ZFHX3: variants seen among roughly 807,000 people sequenced by gnomAD.
ZFHX3 encodes the protein zinc finger homeobox protein 3.
A neutral mutation model predicts 279.1 loss-of-function variants in ZFHX3; 42 were observed. That is an observed-to-expected ratio of 0.15 (90% CI 0.12 to 0.19). The LOEUF is 0.19. Among genes scored for constraint, ZFHX3 ranks in the 10% least tolerant of loss-of-function variants. The pLI, the probability that ZFHX3 is intolerant of heterozygous loss-of-function variation, is 1.00. For synonymous variants in ZFHX3, 2,293 were observed against 1,957.8 expected (o/e 1.17, Z -4.52); for missense variants, 4,981 against 4,754.0 (o/e 1.05, Z -1.40).
chr16:73,464,284 A>C (rs535798562), intron 2 of ZFHX3, among the ~76,000 whole-genome samples: 5 of 152,254 alleles, frequency 3.3e-5, no homozygotes, highest in Admixed American at 3.3e-4. Flanking sequence ...ACAAAATTAA[A>C]AAGCAAATAC....
chr16:73,612,690 C>G (rs940914855), intron 2 of ZFHX3, among the ~76,000 whole-genome samples: 1 of 152,088 alleles, frequency 6.6e-6, no homozygotes, highest in Admixed American at 6.5e-5. Context: ...GAGGACCATC[C>G]TATCAGTGAT....
At chr16:73,881,466 CTCT>C in intron 1 of ZFHX3, among the ~76,000 whole-genome samples, 1 of 83,918 alleles carries the variant, frequency 1.2e-5, no homozygotes, top group African/African-American at 3.7e-5. Flanking sequence ...CTCTCTCTCT[CTCT>C]CTCTCTCTCT....
At chr16:72,871,476 G>A (rs967439000) in intron 4 of ZFHX3, among the ~76,000 whole-genome samples, 1 of 152,008 alleles carries the variant, frequency 6.6e-6, no homozygotes, top group African/African-American at 2.4e-5. Context: ...CAAGTAGCTG[G>A]GATTACAAGC....
chr16:73,379,606 C>A (rs1241537768), intron 3 of ZFHX3, among the ~76,000 whole-genome samples: 2 of 152,132 alleles, frequency 1.3e-5, no homozygotes, highest in African/African-American at 2.4e-5. Flanking sequence ...AGAGCCAGAA[C>A]TCAATGCATG....
At chr16:73,406,479 A>G (rs936898314) in intron 3 of ZFHX3, among the ~76,000 whole-genome samples, 1 of 152,210 alleles carries the variant, frequency 6.6e-6, no homozygotes, top group Non-Finnish European at 1.5e-5. Context: ...TTTGATACTT[A>G]GTAAGTTTCA....
chr16:73,438,203 G>A (rs920731427), intron 3 of ZFHX3, among the ~76,000 whole-genome samples: 3 of 152,170 alleles, frequency 2.0e-5, no homozygotes, highest in Non-Finnish European at 4.4e-5. Flanking sequence ...GCAACTCGTA[G>A]CTCCAGAGAA....
At chr16:73,372,549 AG>A (rs1365965449) in intron 3 of ZFHX3, among the ~76,000 whole-genome samples, 1 of 152,254 alleles carries the variant, frequency 6.6e-6, no homozygotes, top group Non-Finnish European at 1.5e-5. Flanking sequence ...GTTAATTCAA[AG>A]GTTTTATTCC....
At chr16:73,537,552 G>A (rs138035332) in intron 2 of ZFHX3, among the ~76,000 whole-genome samples, 3,614 of 152,102 alleles carry the variant, frequency 0.024, 144 homozygotes, top group African/African-American at 0.08. Flanking sequence ...TTCTGACCTC[G>A]TGATTCACCC....
intron 3 of ZFHX3, among the ~76,000 whole-genome samples, chr16:73,439,361 C>G (rs2018047771): frequency 6.6e-6 from 1 of 152,206 alleles, no homozygotes; most frequent in Non-Finnish European, 1.5e-5. Context: ...GATTTTGCTA[C>G]CTTTGAGCTC....
At chr16:73,465,756 C>A (rs186177691) in intron 2 of ZFHX3, among the ~76,000 whole-genome samples, 8 of 152,210 alleles carry the variant, frequency 5.3e-5, no homozygotes, top group Non-Finnish European at 1.2e-4. Context: ...GAGTTCTTCT[C>A]TCCTTTCTTG....
intron 4 of ZFHX3, among the ~76,000 whole-genome samples, chr16:73,280,477 T>C (rs966707878): frequency 6.6e-6 from 1 of 151,980 alleles, no homozygotes; most frequent in African/African-American, 2.4e-5. Context: ...AAAGAAGACA[T>C]ACAAATAACC....
intron 1 of ZFHX3, among the ~76,000 whole-genome samples, chr16:73,860,849 A>G (rs192242840): frequency 4.9e-4 from 74 of 152,076 alleles, no homozygotes; most frequent in Non-Finnish European, 6.5e-4. Context: ...CACTCCCCCA[A>G]CCCCCACTCA....
At chr16:73,211,848 G>T (rs1306941283) in intron 5 of ZFHX3, among the ~76,000 whole-genome samples, 1 of 151,984 alleles carries the variant, frequency 6.6e-6, no homozygotes, top group African/African-American at 2.4e-5. Flanking sequence ...GCAGGGAGGG[G>T]GGTGGCAAGT....
At chr16:73,481,293 C>T (rs1017514871) in intron 2 of ZFHX3, among the ~76,000 whole-genome samples, 18 of 150,962 alleles carry the variant, frequency 1.2e-4, no homozygotes, top group Admixed American at 8.6e-4. Flanking sequence ...CGCATCACTG[C>T]ACTCCAGCCT....
chr16:73,319,121 C>T (rs2015519012), intron 3 of ZFHX3, among the ~76,000 whole-genome samples: 1 of 151,144 alleles, frequency 6.6e-6, no homozygotes, highest in African/African-American at 2.4e-5. Flanking sequence ...ATGGGGGGGG[C>T]AGAGGACGCA....
At chr16:73,679,289 AAATCAGAGCATTGAAAAGTATATTTC>A (rs1267986375) in intron 2 of ZFHX3, among the ~76,000 whole-genome samples, 6 of 152,156 alleles carry the variant, frequency 3.9e-5, no homozygotes, top group Non-Finnish European at 5.9e-5. Context: ...CGCCATTTTC[AAATCAGAGCATTGAAAAGTATATTTC>A]TATGGCCATA....
intron 3 of ZFHX3, among the ~76,000 whole-genome samples, chr16:73,442,848 G>C (rs2018117857): frequency 6.6e-6 from 1 of 152,156 alleles, no homozygotes; most frequent in African/African-American, 2.4e-5. Context: ...AAGAATTTGA[G>C]GCTGCAGTGA....
At chr16:73,016,457 G>A (rs531689933) in intron 1 of ZFHX3, among the ~76,000 whole-genome samples, 6 of 151,842 alleles carry the variant, frequency 4.0e-5, no homozygotes, top group Non-Finnish European at 5.9e-5. Context: ...TGAAAGATAC[G>A]ACTTTGAATA....
intron 2 of ZFHX3, among the ~76,000 whole-genome samples, chr16:73,644,855 C>G (rs2052604441): frequency 6.6e-6 from 1 of 152,092 alleles, no homozygotes; most frequent in Non-Finnish European, 1.5e-5. Flanking sequence ...AGAAGTGAGC[C>G]CCTGTGTGTG....
Sources: gnomAD v4.1 joint callset for allele counts (sites outside exome capture counted in the v4.1 genomes callset) on GRCh38, gnomAD v4.1.1 for gene constraint, MANE v1.5 for transcripts, NCBI Gene and HGNC (gene_info 2026-07-23, HGNC 2026-07-21) for gene names.